The following LAMC1 variants were observed in gnomAD, a reference collection of about 807,000 sequenced individuals.
LAMC1 encodes laminin subunit gamma 1.
Under a neutral mutation model 173.6 loss-of-function variants are expected in LAMC1, and 38 were observed. The observed-to-expected ratio is 0.22, with a 90% CI of 0.17 to 0.29. LAMC1 has a LOEUF of 0.29. Ranked by LOEUF, LAMC1 falls within the 10% of genes least tolerant of loss-of-function variation. The pLI, the probability that LAMC1 is intolerant of heterozygous loss-of-function variation, is 1.00. For synonymous variants in LAMC1, 746 were observed against 749.1 expected (o/e 1.00, Z 0.07); for missense variants, 1,824 against 2,051.8 (o/e 0.89, Z 2.14).
Position 183,040,428 on chromosome 1 carries a change from TCTG to T in LAMC1, c.418+16298_418+16300del, listed in dbSNP as rs1295623034. Among the ~76,000 whole-genome samples the T allele has an allele frequency of 9.2e-5, 14 of 152,370 alleles. No homozygotes were observed. In the East Asian group the frequency reaches 1.5e-3, roughly 17 times the overall value. ...TATTGATGATTCTAGGCTTCAAACA[TCTG>T]CTGGGAAATCTGACAATTTCTGAAA... is the stretch of plus-strand genomic sequence containing the variant. On this transcript the variant is annotated intron_variant, in intron 1 of 27. Transcript: ENST00000258341.
At chr1:183,093,624 C>T (rs1655619062) in intron 1 of LAMC1, among the ~76,000 whole-genome samples, 1 of 152,182 alleles carries the variant, frequency 6.6e-6, no homozygotes, top group South Asian at 2.1e-4. Context: ...CTCTCTCTTG[C>T]TGCAGCCTTT....
At chr1:183,032,848 T>G (rs981481763) in intron 1 of LAMC1, among the ~76,000 whole-genome samples, 1 of 152,198 alleles carries the variant, frequency 6.6e-6, no homozygotes, top group Non-Finnish European at 1.5e-5. Context: ...TACCTGTCTG[T>G]TTTCAGAGAC....
At chr1:183,109,490 G>A (rs1479729544) in intron 3 of LAMC1, among the ~76,000 whole-genome samples, 1 of 152,188 alleles carries the variant, frequency 6.6e-6, no homozygotes, top group Non-Finnish European at 1.5e-5. Flanking sequence ...TTAGTGATCA[G>A]GAGAATGGTT....
At chr1:183,129,948 C>T (rs767237484) in intron 18 of LAMC1, among the ~76,000 whole-genome samples, 1 of 151,990 alleles carries the variant, frequency 6.6e-6, no homozygotes, top group African/African-American at 2.4e-5. Flanking sequence ...GAAAAATGTT[C>T]GGCTTTTAGG....
chr1:183,122,222 T>C lies in LAMC1; in HGVS notation c.2372T>C (p.Val791Ala). ...GTTGTTCCCAAGACAAAGGAGGTGGTGTGCACCAACTGTCCTACTGGCACC... is the reference window on the plus strand; with the variant it reads ...GTTGTTCCCAAGACAAAGGAGGTGGCGTGCACCAACTGTCCTACTGGCACC... ...CAVVPKTKEV[V>A]CTNCPTGTTG... The change falls in exon 13 of 28, where the codon GTG (valine) becomes GCG (alanine). Residue 791 changes from valine (V) to alanine (A), a missense_variant. Val to Ala is a moderately conservative substitution (Grantham distance 64, BLOSUM62 0). Coordinates refer to ENST00000258341, the MANE Select transcript of LAMC1 (RefSeq NM_002293.4). 6.2e-7 allele frequency: 1 copy of C among 1,614,136 alleles called. No homozygotes were observed. The highest frequency in any genetic ancestry group is 8.5e-7 in the Non-Finnish European group (1 of 1,180,010).
chr1:183,083,019 GAATCTTTC>G (rs1655327210), intron 1 of LAMC1, among the ~76,000 whole-genome samples: 1 of 152,168 alleles, frequency 6.6e-6, no homozygotes, highest in South Asian at 2.1e-4. Flanking sequence ...CTGTGATACT[GAATCTTTC>G]AATATTTTTG....
In LAMC1 at chr1:183,117,561, G is replaced by A. The variant is rs1373873687; in HGVS notation, c.1715G>A (p.Ser572Asn). The A allele has an allele frequency of 3.7e-6, 6 of 1,614,062 alleles. No individual in the cohort carries two copies. The African/African-American group carries it at 4.0e-5, about 11-fold the overall frequency. ...PAKFLGKQVL[S>N]YGQNLSFSFR... Reference sequence around the variant, plus strand: ...AAGTTCTTGGGCAAGCAGGTGTTGAGTTATGGTCAGAACCTCTCCTTCTCC... The same window carrying A: ...AAGTTCTTGGGCAAGCAGGTGTTGAATTATGGTCAGAACCTCTCCTTCTCC... The change falls in exon 10 of 28, where the codon AGT becomes AAT. Residue 572 changes from serine (S) to asparagine (N), a missense_variant. Coordinates refer to ENST00000258341, the MANE Select transcript of LAMC1 (RefSeq NM_002293.4).
At chr1:183,047,242 T>G (rs978785623) in intron 1 of LAMC1, among the ~76,000 whole-genome samples, 2 of 152,178 alleles carry the variant, frequency 1.3e-5, no homozygotes, top group African/African-American at 4.8e-5. Context: ...GAGATTTGAT[T>G]AATACATGTA....
intron 2 of LAMC1, among the ~76,000 whole-genome samples, chr1:183,107,305 T>G (rs939292746): frequency 6.6e-6 from 1 of 151,858 alleles, no homozygotes; most frequent in African/African-American, 2.4e-5. Context: ...AAAAAGACAA[T>G]GTAAATAAAA....
intron 11 of LAMC1, among the ~76,000 whole-genome samples, chr1:183,120,063 G>A (rs374588458): frequency 5.9e-5 from 9 of 151,480 alleles, no homozygotes; most frequent in South Asian, 4.2e-4. Flanking sequence ...TAGCTACCTC[G>A]GAGGCTGAGG....
intron 13 of LAMC1, among the ~76,000 whole-genome samples, chr1:183,123,913 A>G (rs1656548926): frequency 1.3e-5 from 2 of 152,216 alleles, no homozygotes; most frequent in South Asian, 4.1e-4. Context: ...TACTGGTTAC[A>G]AAGATATCAC....
intron 13 of LAMC1, among the ~76,000 whole-genome samples, chr1:183,123,854 T>C (rs530071186): frequency 6.6e-6 from 1 of 152,332 alleles, no homozygotes; most frequent in Admixed American, 6.5e-5. Context: ...ACTTGTTGAA[T>C]GAATTAATAA....
Position 183,121,825 on chromosome 1 carries a change from G to T in LAMC1, c.2093G>T (p.Gly698Val), listed in dbSNP as rs1409523746. ...ESCTCPVGYG[G>V]QFCEMCLSGY... ...TGCACCTGTCCTGTGGGATATGGAG[G>T]GCAGTTTTGTGAGATGTGCCTCTCA... is the stretch of plus-strand genomic sequence containing the variant. Residue 698 changes from glycine (G) to valine (V), a missense_variant, in exon 12 of 28, where the codon GGG becomes GTG. By Grantham distance (109) the Gly-to-Val change is moderately radical. Transcript: ENST00000258341. The T allele has an allele frequency of 6.2e-7, 1 of 1,614,124 alleles. No individual in the cohort carries two copies. The highest frequency in any genetic ancestry group is 8.5e-7 in the Non-Finnish European group (1 of 1,180,026).
intron 1 of LAMC1, among the ~76,000 whole-genome samples, chr1:183,095,283 A>G (rs188179010): frequency 1.4e-3 from 207 of 152,336 alleles, no homozygotes; most frequent in African/African-American, 5.0e-3. Flanking sequence ...GTCTATTACT[A>G]TACCACCGTG....
At chr1:183,029,448 TA>T (rs1324083383) in intron 1 of LAMC1, among the ~76,000 whole-genome samples, 2 of 152,244 alleles carry the variant, frequency 1.3e-5, no homozygotes, top group Non-Finnish European at 2.9e-5. Context: ...AATCTGATCA[TA>T]CAATTTTGCA....
intron 13 of LAMC1, among the ~76,000 whole-genome samples, chr1:183,122,975 C>T (rs1201710020): frequency 6.6e-6 from 1 of 152,174 alleles, no homozygotes; most frequent in Non-Finnish European, 1.5e-5. Context: ...AGTTTCCTTA[C>T]ACTCCGTGCT....
rs757267953 is a variant in LAMC1, at chr1:183,125,413, G to A, written c.2664G>A (p.Leu888=). ...ADKCKACNCN[L]YGTMKQQSSC... ...CTGCCTTAGCCTGCAATTGCAATCT[G>A]TATGGGACCATGAAGCAGCAGAGCA... The change falls in exon 15 of 28, where the codon CTG becomes CTA. Residue 888 remains leucine, a synonymous_variant. Coordinates refer to ENST00000258341, the MANE Select transcript of LAMC1 (RefSeq NM_002293.4). 278 of 1,614,066 alleles carry A rather than the reference G, an allele frequency of 1.7e-4. No homozygotes were observed. Among genetic ancestry groups the A allele is most frequent in the Non-Finnish European group, 2.2e-4 (256 of 1,179,964 alleles).
intron 1 of LAMC1, among the ~76,000 whole-genome samples, chr1:183,048,210 T>C (rs6664995): frequency 0.5 from 76,330 of 152,072 alleles, 19,799 homozygotes; most frequent in South Asian, 0.64. Context: ...TGTGTCTACC[T>C]TGTTTCTTCT....
At chr1:183,106,596 A>G (rs1317708721) in intron 2 of LAMC1, among the ~76,000 whole-genome samples, 1 of 152,180 alleles carries the variant, frequency 6.6e-6, no homozygotes, top group East Asian at 1.9e-4. Context: ...TTACGTCTCC[A>G]AAGGTGATTT....
Sources: gnomAD v4.1 joint callset for allele counts (sites outside exome capture counted in the v4.1 genomes callset) on GRCh38, gnomAD v4.1.1 for gene constraint, MANE v1.5 for transcripts, NCBI Gene and HGNC (gene_info 2026-07-23, HGNC 2026-07-21) for gene names.